IL5RA: variants seen among roughly 807,000 people sequenced by gnomAD.
The protein encoded by IL5RA is interleukin 5 receptor subunit alpha.
Under a neutral mutation model 50.0 loss-of-function variants are expected in IL5RA, and 49 were observed. The ratio of observed to expected loss-of-function variants is 0.98; its 90% CI spans 0.78 to 1.24. The LOEUF is 1.24. Ranked by LOEUF, IL5RA falls within the 50% of genes most tolerant of loss-of-function variation. The probability of loss-of-function intolerance (pLI) is 0.00; values close to 1 mark genes in which losing one functional copy is unlikely to be tolerated. For synonymous variants in IL5RA, 202 were observed against 174.0 expected (o/e 1.16, Z -1.26); for missense variants, 600 against 500.4 (o/e 1.20, Z -1.90).
At position 3,068,609 on chromosome 3, in the gene IL5RA, C is replaced by CAAAAA. The variant is rs1297513765; in HGVS notation, c.*1611_*1615dup. 1 of 55,428 alleles carries CAAAAA rather than the reference C, an allele frequency of 1.8e-5. No homozygotes were observed. The highest frequency in any genetic ancestry group is 5.2e-5 in the African/African-American group (1 of 19,318). 3.4% of individuals were successfully genotyped at this position (55,428 alleles called of 1,614,324 possible). On this transcript the variant is annotated 3_prime_UTR_variant, in exon 12 of 12. Transcript: ENST00000446632. The stretch of plus-strand genomic sequence containing the variant: ...CCACAAAAAAAAAAAAAAAAAAAAA[C>CAAAAA]AAAAACAGGTTTGAGATTATGAATC...
chr3:3,077,733 A>C (rs1702536480), intron 9 of IL5RA, among the ~76,000 whole-genome samples: 1 of 152,118 alleles, frequency 6.6e-6, no homozygotes, highest in Admixed American at 6.6e-5. Context: ...GCACCACTGC[A>C]CTCCAGTCTG....
chr3:3,083,298 C>T (rs1228162182), intron 9 of IL5RA, among the ~76,000 whole-genome samples: 1 of 152,162 alleles, frequency 6.6e-6, no homozygotes, highest in African/African-American at 2.4e-5. Flanking sequence ...AAAATGCAGC[C>T]TCAGTGAACA....
intron 2 of IL5RA, among the ~76,000 whole-genome samples, 164 bp from the exon 3 acceptor site, chr3:3,105,151 C>T (rs1300659284): frequency 6.6e-6 from 1 of 152,056 alleles, no homozygotes; most frequent in Admixed American, 6.6e-5. Flanking sequence ...TTGGACTTTG[C>T]CCTTCCAATG....
Position 3,074,768 on chromosome 3 carries a change from A to T in IL5RA, c.1176+14T>A. On this transcript the variant is annotated intron_variant, in intron 11 of 11. Coordinates refer to ENST00000446632, the MANE Select transcript of IL5RA (RefSeq NM_175726.4). The stretch of plus-strand genomic sequence containing the variant: ...TGGACACATACGGCATATCATAAGA[A>T]CTTTCAACATTACCTCATAGTTAGT... 2 of 1,508,342 alleles carry T rather than the reference A, an allele frequency of 1.3e-6. No individual in the cohort carries two copies. The highest frequency in any genetic ancestry group is 1.8e-6 in the Non-Finnish European group (2 of 1,083,640). The allele number at this position is 1,508,342 out of a possible 1,614,324, so 93.4% of individuals were successfully genotyped here. A position where few individuals can be genotyped will look rare whatever the true frequency, so the allele number is the denominator to read the frequency against.
Position 3,069,987 on chromosome 3 carries a change from G to A in IL5RA, c.*238C>T, listed in dbSNP as rs191412409. ...GGTGCTACCCTGTACGGCATGGGGA[G>A]AAAAAACATGGCAAAATGCTTGGAT... On this transcript the variant is annotated 3_prime_UTR_variant, in exon 12 of 12. Transcript: ENST00000446632. 6.1e-3 allele frequency: 2,670 copies of A among 434,994 alleles called. 18 individuals are homozygous for A. Among genetic ancestry groups the A allele is most frequent in the Middle Eastern group, 9.7e-3 (15 of 1,550 alleles). The allele number at this position is 434,994 out of a possible 1,614,324, so 26.9% of individuals were successfully genotyped here. A position where few individuals can be genotyped will look rare whatever the true frequency, so the allele number is the denominator to read the frequency against.
rs984625450 is a variant in IL5RA at position 3,067,297 on chromosome 3, TC to T, written c.*2927del. 6 of 152,192 alleles carry T rather than the reference TC, an allele frequency of 3.9e-5. No homozygotes were observed. The highest frequency in any genetic ancestry group is 1.5e-5 in the Non-Finnish European group (1 of 68,056). The allele number at this position is 152,192 out of a possible 1,614,324, so 9.4% of individuals were successfully genotyped here. ...CATTCTCATTAGATACCCAGCTTCC[TC>T]CCCCTGTCATTATTGTAGGCCTTGA... On this transcript the variant is annotated 3_prime_UTR_variant, in exon 12 of 12. Coordinates refer to ENST00000446632, the MANE Select transcript of IL5RA (RefSeq NM_175726.4).
intron 3 of IL5RA, 114 bp from the exon 4 acceptor site, chr3:3,102,934 C>T (rs1388967527): frequency 6.6e-6 from 5 of 755,666 alleles, no homozygotes; most frequent in African/African-American, 3.6e-5. Flanking sequence ...CCTGCCAGCA[C>T]CACAGACACA....
intron 8 of IL5RA, among the ~76,000 whole-genome samples, chr3:3,095,060 T>C (rs1217025160): frequency 5.3e-5 from 8 of 152,200 alleles, no homozygotes; most frequent in Non-Finnish European, 1.2e-4. Flanking sequence ...CTAGTACCAA[T>C]GAGTCTGTAT....
chr3:3,089,168 G>A (rs1002793194), intron 9 of IL5RA, among the ~76,000 whole-genome samples: 1 of 152,116 alleles, frequency 6.6e-6, no homozygotes, highest in Non-Finnish European at 1.5e-5. Context: ...TCCTTTTAGT[G>A]TCCTTTCAGT....
intron 7 of IL5RA, among the ~76,000 whole-genome samples, chr3:3,096,101 A>G (rs1205638294): frequency 1.3e-5 from 2 of 151,624 alleles, no homozygotes; most frequent in Non-Finnish European, 2.9e-5. Context: ...ACGTGGTGAA[A>G]CCCCCTCTCT....
intron 9 of IL5RA, among the ~76,000 whole-genome samples, chr3:3,089,686 T>C (rs1048425148): frequency 1.3e-5 from 2 of 151,454 alleles, no homozygotes; most frequent in African/African-American, 4.9e-5. Context: ...TGGAGTACAG[T>C]GGCGCAATCT....
At chr3:3,101,178 CAAA>C (rs10606924) in intron 5 of IL5RA, among the ~76,000 whole-genome samples, 53,832 of 141,980 alleles carry the variant, frequency 0.38, 10,351 homozygotes, top group South Asian at 0.55. Context: ...GATTCTATCT[CAAA>C]AAAAAAAAAA....
intron 9 of IL5RA, among the ~76,000 whole-genome samples, chr3:3,082,158 T>G (rs1488275206): frequency 6.6e-6 from 1 of 152,192 alleles, no homozygotes. Context: ...AAGATCCCAC[T>G]GAGAGTATAC....
At chr3:3,096,094 T>C (rs1669304) in intron 7 of IL5RA, among the ~76,000 whole-genome samples, 2 of 151,840 alleles carry the variant, frequency 1.3e-5, no homozygotes, top group Non-Finnish European at 2.9e-5. Context: ...CTGGCTAACG[T>C]GGTGAAACCC....
intron 5 of IL5RA, among the ~76,000 whole-genome samples, chr3:3,099,805 G>A (rs956052062): frequency 3.3e-5 from 5 of 151,864 alleles, no homozygotes; most frequent in East Asian, 3.9e-4. Context: ...GAGTAACTGG[G>A]ATTACAGGCA....
Position 3,070,178 on chromosome 3 carries a change from A to T in IL5RA, c.*47T>A. ...GCCAGCATCCCTGTTCTTTTCACTG[A>T]GGCACTGAGGCATGTGTGAGTTCAT... is the stretch of plus-strand genomic sequence containing the variant. On this transcript the variant is annotated 3_prime_UTR_variant, in exon 12 of 12. Coordinates refer to ENST00000446632, the MANE Select transcript of IL5RA (RefSeq NM_175726.4). 1 of 1,197,660 alleles carries T rather than the reference A, an allele frequency of 8.3e-7. No homozygotes were observed. The highest frequency in any genetic ancestry group is 1.2e-6 in the Non-Finnish European group (1 of 813,882). 74.2% of individuals were successfully genotyped at this position (1,197,660 alleles called of 1,614,324 possible).
At chr3:3,101,011 AATAATAATAAT>A (rs1279640639) in intron 5 of IL5RA, among the ~76,000 whole-genome samples, 5 of 148,978 alleles carry the variant, frequency 3.4e-5, no homozygotes, top group African/African-American at 1.2e-4. Context: ...TAATAATAAT[AATAATAATAAT>A]ACAAAAATTA....
chr3:3,072,933 G>C (rs1287985674), intron 11 of IL5RA, among the ~76,000 whole-genome samples: 1 of 152,076 alleles, frequency 6.6e-6, no homozygotes, highest in Non-Finnish European at 1.5e-5. Context: ...ACCAGATGTG[G>C]TTACTCAGGG....
At chr3:3,079,296 C>A (rs1053899116) in intron 9 of IL5RA, among the ~76,000 whole-genome samples, 4 of 152,182 alleles carry the variant, frequency 2.6e-5, no homozygotes, top group Non-Finnish European at 5.9e-5. Flanking sequence ...TTTCTCAAGG[C>A]TGACAACATT....
Sources: gnomAD v4.1 joint callset for allele counts (sites outside exome capture counted in the v4.1 genomes callset) on GRCh38, gnomAD v4.1.1 for gene constraint, MANE v1.5 for transcripts, NCBI Gene and HGNC (gene_info 2026-07-23, HGNC 2026-07-21) for gene names.